Variants in CDIN1 observed in about 807,000 individuals in gnomAD.
CDIN1 encodes CDAN1 interacting nuclease 1.
CDIN1 carries 33 observed loss-of-function variants against 45.3 expected under a neutral mutation model. The ratio of observed to expected loss-of-function variants is 0.73; its 90% CI spans 0.55 to 0.97. The LOEUF is 0.97. Among genes scored for constraint, CDIN1 ranks in the 50% least tolerant of loss-of-function variants. The pLI, the probability that CDIN1 is intolerant of heterozygous loss-of-function variation, is 0.00. For missense variants in CDIN1, 303 were observed against 339.4 expected (o/e 0.89, Z 0.84); for synonymous variants, 118 against 124.4 (o/e 0.95, Z 0.34).
At chr15:36,764,252 G>A (rs1287287527) in intron 10 of CDIN1, among the ~76,000 whole-genome samples, 1 of 135,818 alleles carries the variant, frequency 7.4e-6, no homozygotes, top group East Asian at 2.2e-4. Context: ...GAAATCTGCT[G>A]TGTTATAAAT....
chr15:36,713,378 C>T (rs1170685598), intron 10 of CDIN1, among the ~76,000 whole-genome samples: 1 of 152,062 alleles, frequency 6.6e-6, no homozygotes, highest in Non-Finnish European at 1.5e-5. Context: ...AACCAAAGTG[C>T]ACTTTGTTGA....
At chr15:36,775,623 G>A (rs1179616034) in intron 10 of CDIN1, among the ~76,000 whole-genome samples, 1 of 152,166 alleles carries the variant, frequency 6.6e-6, no homozygotes, top group African/African-American at 2.4e-5. Flanking sequence ...ACAAAAAGGT[G>A]AATGTTACTC....
intron 4 of CDIN1, among the ~76,000 whole-genome samples, chr15:36,656,061 G>A (rs1009966235): frequency 2.0e-5 from 3 of 152,140 alleles, no homozygotes; most frequent in Non-Finnish European, 4.4e-5. Flanking sequence ...TTTGGCTACA[G>A]ACTAGTACAG....
At chr15:36,796,391 T>C (rs192637247) in intron 10 of CDIN1, among the ~76,000 whole-genome samples, 5 of 152,284 alleles carry the variant, frequency 3.3e-5, no homozygotes, top group African/African-American at 1.2e-4. Context: ...TGCAGGGGCA[T>C]TACATTTACT....
At chr15:36,794,441 A>C (rs906987138) in intron 10 of CDIN1, among the ~76,000 whole-genome samples, 1 of 152,320 alleles carries the variant, frequency 6.6e-6, no homozygotes, top group African/African-American at 2.4e-5. Context: ...CATACTCATT[A>C]AACACTAATT....
At chr15:36,682,529 T>G (rs1221695299) in intron 5 of CDIN1, among the ~76,000 whole-genome samples, 3 of 151,554 alleles carry the variant, frequency 2.0e-5, no homozygotes, top group African/African-American at 7.3e-5. Context: ...ATTTCAGCAC[T>G]TTGGGAAGCT....
intron 1 of CDIN1, among the ~76,000 whole-genome samples, chr15:36,593,920 GA>G (rs1411743336): frequency 6.6e-6 from 1 of 152,156 alleles, no homozygotes; most frequent in Non-Finnish European, 1.5e-5. Context: ...TACTGATTGT[GA>G]AAAGACCTTG....
intron 3 of CDIN1, among the ~76,000 whole-genome samples, chr15:36,647,192 T>TAA (rs112118589): frequency 2.0e-5 from 3 of 148,328 alleles, no homozygotes; most frequent in African/African-American, 2.5e-5. Context: ...GCCAGCTAAT[T>TAA]AAAAAAAAAA....
chr15:36,803,603 T>G (rs182808098), intron 10 of CDIN1, among the ~76,000 whole-genome samples: 3 of 152,328 alleles, frequency 2.0e-5, no homozygotes, highest in African/African-American at 7.2e-5. Context: ...TTTGAAAGTT[T>G]CAGTTATACA....
chr15:36,788,094 ATATATATATATATTTTTTTT>A (rs1156360347), intron 10 of CDIN1, among the ~76,000 whole-genome samples: 60 of 37,676 alleles, frequency 1.6e-3, no homozygotes, highest in African/African-American at 4.9e-3. Context: ...ATATATATAT[ATATATATATATATTTTTTTT>A]TTTTTTTTTT....
intron 10 of CDIN1, chr15:36,756,056 A>G (rs753064035): frequency 2.2e-6 from 1 of 455,872 alleles, no homozygotes; most frequent in Non-Finnish European, 4.4e-6. Context: ...CCTTTATTCA[A>G]CAAATTCCTA....
chr15:36,796,802 T>C (rs571527177), intron 10 of CDIN1, among the ~76,000 whole-genome samples: 278 of 152,394 alleles, frequency 1.8e-3, no homozygotes, highest in Non-Finnish European at 2.9e-3. Flanking sequence ...AGATCCAGCA[T>C]TAATTAAGCT....
chr15:36,751,229 T>TTTTTTATATATATATA (rs568110101), intron 10 of CDIN1, among the ~76,000 whole-genome samples: 4 of 97,610 alleles, frequency 4.1e-5, no homozygotes, highest in African/African-American at 1.7e-4. Context: ...TATGCTTATT[T>TTTTTTATATATATATA]TATATATATA....
In CDIN1 at chr15:36,809,999, A is replaced by G. The variant is rs1246724539; in HGVS notation, c.*1546A>G. 1 of 151,514 alleles carries G rather than the reference A, an allele frequency of 6.6e-6. No individual in the cohort carries two copies. The highest frequency in any genetic ancestry group is 1.5e-5 in the Non-Finnish European group (1 of 67,930). 9.4% of individuals were successfully genotyped at this position (151,514 alleles called of 1,614,324 possible). A position where few individuals can be genotyped will look rare whatever the true frequency, so the allele number is the denominator to read the frequency against. On this transcript the variant is annotated 3_prime_UTR_variant, in exon 11 of 11. Coordinates refer to ENST00000566621, the MANE Select transcript of CDIN1 (RefSeq NM_001321759.2). ...ATTCATCATGCAGGCTTCTGAGTGA[A>G]ATAGAATGATTTGAAACCACTACTG... is the stretch of plus-strand genomic sequence containing the variant.
At chr15:36,746,669 C>CACACACACACACACA (rs2044448487) in intron 10 of CDIN1, among the ~76,000 whole-genome samples, 12 of 141,502 alleles carry the variant, frequency 8.5e-5, no homozygotes, top group East Asian at 8.2e-4. Context: ...ATATATGGTT[C>CACACACACACACACA]CACACACACA....
intron 8 of CDIN1, chr15:36,702,086 G>C (rs1345003437): frequency 1.4e-6 from 1 of 702,122 alleles, no homozygotes; most frequent in Non-Finnish European, 2.6e-6. Flanking sequence ...AGATGTCAGT[G>C]GCAGAGAGTA....
At chr15:36,670,886 C>T (rs546755008) in intron 5 of CDIN1, among the ~76,000 whole-genome samples, 1 of 151,720 alleles carries the variant, frequency 6.6e-6, no homozygotes, top group Non-Finnish European at 1.5e-5. Flanking sequence ...AGACTTTTAG[C>T]ATTTTTATTT....
intron 10 of CDIN1, among the ~76,000 whole-genome samples, chr15:36,726,421 C>T (rs989986720): frequency 6.6e-6 from 1 of 152,150 alleles, no homozygotes; most frequent in Non-Finnish European, 1.5e-5. Flanking sequence ...CCATCCTGCT[C>T]TGCTTGCCCA....
chr15:36,778,952 T>C (rs1031823169), intron 10 of CDIN1, among the ~76,000 whole-genome samples: 3 of 152,234 alleles, frequency 2.0e-5, no homozygotes, highest in South Asian at 4.1e-4. Context: ...GAAGCTATAA[T>C]TGAAAACAGG....
Sources: gnomAD v4.1 joint callset for allele counts (sites outside exome capture counted in the v4.1 genomes callset) on GRCh38, gnomAD v4.1.1 for gene constraint, MANE v1.5 for transcripts, NCBI Gene and HGNC (gene_info 2026-07-23, HGNC 2026-07-21) for gene names.